Variants in ACACA observed in about 807,000 individuals in gnomAD.
The protein encoded by ACACA is acetyl-CoA carboxylase alpha.
Under a neutral mutation model 296.1 loss-of-function variants are expected in ACACA, and 103 were observed. The ratio of observed to expected loss-of-function variants is 0.35; its 90% CI spans 0.30 to 0.41. The LOEUF is 0.41. ACACA is among the 10% of genes least tolerant of loss of function. The pLI, the probability that ACACA is intolerant of heterozygous loss-of-function variation, is 1.00. For missense variants in ACACA, 1,554 were observed against 2,989.7 expected (o/e 0.52, Z 11.20); for synonymous variants, 953 against 1,038.6 (o/e 0.92, Z 1.58).
intron 3 of ACACA, among the ~76,000 whole-genome samples, chr17:37,323,922 C>A (rs1196163360): frequency 6.6e-6 from 1 of 152,224 alleles, no homozygotes; most frequent in Non-Finnish European, 1.5e-5. Context: ...TTATATGCCA[C>A]CAAATCATAC....
At chr17:37,271,180 G>C (rs750427852) in intron 9 of ACACA, among the ~76,000 whole-genome samples, 2 of 152,168 alleles carry the variant, frequency 1.3e-5, no homozygotes, top group Non-Finnish European at 2.9e-5. Flanking sequence ...ACACATGTAA[G>C]TGCAAAGAAG....
Position 37,244,671 on chromosome 17 carries a change from G to T in ACACA, c.2659C>A (p.His887Asn). ...QSTALRGEKL[H>N]RVFHYVLDNL... Reference sequence around the variant, plus strand: ...TCCAGGACATAATGGAACACTCGATGGAGTTTCTCGCCTCTGAGTGCCGTG... The same window carrying T: ...TCCAGGACATAATGGAACACTCGATTGAGTTTCTCGCCTCTGAGTGCCGTG... The change falls in exon 21 of 56, where the codon CAT becomes AAT. Residue 887 changes from histidine to asparagine, a missense_variant. By Grantham distance (68) the His-to-Asn change is moderately conservative. Around this residue, in one of 16 missense-constraint regions of ACACA, gnomAD observed 316 missense variants for 540.9 expected, o/e 0.58. Coordinates refer to ENST00000616317, the MANE Select transcript of ACACA (RefSeq NM_198834.3). 1 of 1,614,146 alleles carries T rather than the reference G, an allele frequency of 6.2e-7. No homozygotes were observed. Among genetic ancestry groups the T allele is most frequent in the Non-Finnish European group, 8.5e-7 (1 of 1,180,022 alleles).
intron 30 of ACACA, among the ~76,000 whole-genome samples, chr17:37,208,061 C>T (rs189221263): frequency 6.6e-6 from 1 of 152,200 alleles, no homozygotes; most frequent in Admixed American, 6.6e-5. Context: ...TAGGAATTTC[C>T]AGGCAGTTTT....
intron 3 of ACACA, among the ~76,000 whole-genome samples, chr17:37,303,937 A>G (rs185516254): frequency 9.9e-5 from 15 of 152,188 alleles, no homozygotes; most frequent in Admixed American, 5.9e-4. Flanking sequence ...AAGAAATCCA[A>G]TTTTTCTGCA....
chr17:37,346,039 C>T (rs1177279381), intron 1 of ACACA, among the ~76,000 whole-genome samples: 2 of 152,060 alleles, frequency 1.3e-5, no homozygotes, highest in East Asian at 1.9e-4. Context: ...AATGGAGCCC[C>T]TGCACTCTGG....
At chr17:37,212,121 C>T (rs2078774233) in intron 29 of ACACA, among the ~76,000 whole-genome samples, 1 of 152,218 alleles carries the variant, frequency 6.6e-6, no homozygotes, top group Non-Finnish European at 1.5e-5. Context: ...TCAGAGAGAA[C>T]TCTACAACCA....
At chr17:37,205,738 C>A in intron 33 of ACACA, 27 bp downstream of exon 33, 1 of 1,566,784 alleles carries the variant, frequency 6.4e-7, no homozygotes, top group Non-Finnish European at 8.8e-7. Flanking sequence ...GGGGACATCA[C>A]GAGCTTCCAC....
In ACACA at chr17:37,207,009, C is replaced by T; in HGVS notation, c.3852-130G>A. ...TCAATAGTTAATTGAATAGAATCAC[C>T]AGTGGCTAGAGGTGACATGCAAAAT... On this transcript the variant is annotated intron_variant, in intron 31 of 55. Transcript: ENST00000616317. 3.4e-6 allele frequency: 3 copies of T among 870,378 alleles called. No individual in the cohort carries two copies. In the East Asian group the frequency reaches 7.9e-5, roughly 23 times the overall value. The allele number at this position is 870,378 out of a possible 1,614,324, so 53.9% of individuals were successfully genotyped here.
rs113063499 is a variant in ACACA, at chr17:37,122,460, GATGT to G, written c.6138+67_6138+70del. The G allele has an allele frequency of 9.9e-3, 11,873 of 1,197,236 alleles. 420 individuals carry two copies. In the African/African-American group the frequency reaches 0.1, roughly 10 times the overall value. The allele number at this position is 1,197,236 out of a possible 1,614,324, so 74.2% of individuals were successfully genotyped here. A position where few individuals can be genotyped will look rare whatever the true frequency, so the allele number is the denominator to read the frequency against. On this transcript the variant is annotated intron_variant, in intron 49 of 55. Coordinates refer to ENST00000616317, the MANE Select transcript of ACACA (RefSeq NM_198834.3). ...AAAACTGATGGTTTGCAATGTTCCT[GATGT>G]ATTCACAGGCACTGCGAAGAGAAAA...
At chr17:37,167,107 G>A (rs921414741) in intron 41 of ACACA, among the ~76,000 whole-genome samples, 2 of 143,294 alleles carry the variant, frequency 1.4e-5, no homozygotes, top group African/African-American at 5.3e-5. Flanking sequence ...ACCAGGCCTG[G>A]CTAATTTTTG....
At chr17:37,389,101 A>G in intron 1 of ACACA, 1 of 1,168,494 alleles carries the variant, frequency 8.6e-7, no homozygotes, top group Non-Finnish European at 1.2e-6. Flanking sequence ...GTACTTAGAC[A>G]TTTTCTAGGA....
At chr17:37,119,159 C>CATAT (rs1194455410) in intron 50 of ACACA, among the ~76,000 whole-genome samples, 3 of 152,166 alleles carry the variant, frequency 2.0e-5, no homozygotes, top group Non-Finnish European at 4.4e-5. Context: ...GAATGAACCT[C>CATAT]ATATATATGA....
intron 3 of ACACA, among the ~76,000 whole-genome samples, chr17:37,309,074 C>T (rs1022899062): frequency 1.3e-5 from 2 of 152,098 alleles, no homozygotes; most frequent in Admixed American, 6.6e-5. Flanking sequence ...GGCTGGAGTA[C>T]AGTAGCATGA....
intron 29 of ACACA, among the ~76,000 whole-genome samples, chr17:37,219,702 TA>T (rs1048215046): frequency 2.0e-4 from 29 of 148,320 alleles, no homozygotes; most frequent in South Asian, 4.2e-4. Flanking sequence ...ATTATATATA[TA>T]AAAAACACAT....
intron 29 of ACACA, among the ~76,000 whole-genome samples, chr17:37,213,945 T>C (rs2078870866): frequency 6.6e-6 from 1 of 152,258 alleles, no homozygotes; most frequent in Non-Finnish European, 1.5e-5. Context: ...ATATAAATCT[T>C]TTATCATATA....
At chr17:37,364,060 T>C (rs998684722) in intron 1 of ACACA, among the ~76,000 whole-genome samples, 1 of 151,814 alleles carries the variant, frequency 6.6e-6, no homozygotes, top group South Asian at 2.1e-4. Flanking sequence ...GAGGCAGAGG[T>C]TGCAGTGAGC....
intron 39 of ACACA, among the ~76,000 whole-genome samples, chr17:37,187,262 A>T (rs2077573734): frequency 6.6e-6 from 1 of 152,234 alleles, no homozygotes; most frequent in Non-Finnish European, 1.5e-5. Flanking sequence ...CCAAACTGAG[A>T]TTTTTAAAAA....
intron 3 of ACACA, among the ~76,000 whole-genome samples, chr17:37,325,366 CAAA>C (rs984723677): frequency 1.8e-5 from 2 of 114,086 alleles, no homozygotes; most frequent in Admixed American, 9.2e-5. Context: ...AACTCAGTCT[CAAA>C]AAAAAAAAAA....
chr17:37,315,107 T>C (rs2047028718), intron 3 of ACACA, among the ~76,000 whole-genome samples: 1 of 151,924 alleles, frequency 6.6e-6, no homozygotes, highest in Non-Finnish European at 1.5e-5. Flanking sequence ...TACAAGAATG[T>C]GCCACCACGC....
Sources: gnomAD v4.1 joint callset for allele counts (sites outside exome capture counted in the v4.1 genomes callset) on GRCh38, gnomAD v4.1.1 for gene constraint, gnomAD v4.1.1 regional missense constraint, MANE v1.5 for transcripts, NCBI Gene and HGNC (gene_info 2026-07-23, HGNC 2026-07-21) for gene names.